EXOC6: variants seen among roughly 807,000 people sequenced by gnomAD.
EXOC6 encodes the protein SEC15-like 1.
EXOC6 carries 60 observed loss-of-function variants against 112.5 expected under a neutral mutation model. The ratio of observed to expected loss-of-function variants is 0.53; its 90% CI spans 0.43 to 0.66. EXOC6 has a LOEUF of 0.66. EXOC6 is among the 30% of genes least tolerant of loss of function. The pLI, the probability that EXOC6 is intolerant of heterozygous loss-of-function variation, is 0.00. For missense variants in EXOC6, 855 were observed against 957.1 expected (o/e 0.89, Z 1.41); for synonymous variants, 295 against 308.0 (o/e 0.96, Z 0.44).
At chr10:93,052,773 A>G (rs184222113) in intron 20 of EXOC6, among the ~76,000 whole-genome samples, 4 of 152,320 alleles carry the variant, frequency 2.6e-5, no homozygotes, top group African/African-American at 9.6e-5. Flanking sequence ...TCATTATCAT[A>G]TGCCTGACTT....
intron 13 of EXOC6, 59 bp downstream of exon 13, chr10:92,940,883 T>C: frequency 1.9e-6 from 2 of 1,026,396 alleles, no homozygotes; most frequent in South Asian, 1.4e-5. Flanking sequence ...GCTCAAGTGG[T>C]TCATTTGCAT....
At chr10:93,043,560 C>G (rs1043455139) in intron 20 of EXOC6, among the ~76,000 whole-genome samples, 1 of 152,070 alleles carries the variant, frequency 6.6e-6, no homozygotes, top group African/African-American at 2.4e-5. Context: ...TGAGTTTTTT[C>G]TGATGGCCTA....
rs774874873 is a variant in EXOC6, at chr10:92,997,503, A to G, written c.1983A>G (p.Ser661=). Residue 661 remains serine (S), a synonymous_variant, in exon 19 of 22, where the codon TCA becomes TCG. Coordinates refer to ENST00000260762, the MANE Select transcript of EXOC6 (RefSeq NM_019053.6). ...PGKVAQTACM[S]ACQHLSTSLM... Reference sequence around the variant, plus strand: ...AAGTTGCTCAGACAGCTTGCATGTCAGCCTGCCAGCATCTGTCAACATCCT... The same window carrying G: ...AAGTTGCTCAGACAGCTTGCATGTCGGCCTGCCAGCATCTGTCAACATCCT... The G allele has an allele frequency of 4.3e-6, 7 of 1,612,232 alleles. No homozygotes were observed. The South Asian group carries it at 7.7e-5, about 18-fold the overall frequency.
intron 18 of EXOC6, among the ~76,000 whole-genome samples, chr10:92,984,470 C>T (rs1245031034): frequency 6.6e-6 from 1 of 152,026 alleles, no homozygotes; most frequent in African/African-American, 2.4e-5. Flanking sequence ...GACTTTTGTT[C>T]CTTGCTCTCC....
chr10:93,018,815 A>G (rs988089818), intron 20 of EXOC6, among the ~76,000 whole-genome samples: 2 of 151,836 alleles, frequency 1.3e-5, no homozygotes, highest in East Asian at 3.8e-4. Context: ...TGTGCTATTT[A>G]CTTTCATATA....
chr10:92,996,447 C>G (rs1230924395), intron 18 of EXOC6, among the ~76,000 whole-genome samples: 1 of 152,068 alleles, frequency 6.6e-6, no homozygotes, highest in Non-Finnish European at 1.5e-5. Flanking sequence ...GAAACTCTGT[C>G]TCTACTGAAA....
chr10:92,939,907 A>C lies in EXOC6; in HGVS notation c.1213-820A>C, dbSNP rs970091731. Among the ~76,000 whole-genome samples, 5 of 152,066 alleles carry C rather than the reference A, an allele frequency of 3.3e-5. No homozygotes were observed. The East Asian group carries it at 9.6e-4, about 29-fold the overall frequency. Reference sequence around the variant, plus strand: ...TTGAGTAGTTTAAATAAAGGAATAGAAGTGAGAGATTGTAGTACGTTTGAC... The same window carrying C: ...TTGAGTAGTTTAAATAAAGGAATAGCAGTGAGAGATTGTAGTACGTTTGAC... On this transcript the variant is annotated intron_variant, in intron 12 of 21. Coordinates refer to ENST00000260762, the MANE Select transcript of EXOC6 (RefSeq NM_019053.6).
chr10:92,827,673 T>C (rs1167243109), intron 1 of EXOC6, among the ~76,000 whole-genome samples: 1 of 152,020 alleles, frequency 6.6e-6, no homozygotes, highest in Non-Finnish European at 1.5e-5. Context: ...ATCTGTGGCA[T>C]CACCTCTGAC....
intron 13 of EXOC6, among the ~76,000 whole-genome samples, chr10:92,942,911 TC>T (rs1852748943): frequency 6.6e-6 from 1 of 152,178 alleles, no homozygotes; most frequent in Non-Finnish European, 1.5e-5. Flanking sequence ...AATTTTATCC[TC>T]CAAAGTAATA....
chr10:92,917,327 ATGTCT>A (rs1851146903), intron 7 of EXOC6, among the ~76,000 whole-genome samples: 1 of 151,718 alleles, frequency 6.6e-6, no homozygotes, highest in African/African-American at 2.4e-5. Flanking sequence ...TTATTTCGTA[ATGTCT>A]TGTCATTTGG....
At chr10:92,873,239 T>G (rs1413573500) in intron 1 of EXOC6, among the ~76,000 whole-genome samples, 1 of 152,176 alleles carries the variant, frequency 6.6e-6, no homozygotes, top group African/African-American at 2.4e-5. Context: ...GCTGGCTGAT[T>G]ATGAATTCAG....
In EXOC6 at chr10:92,931,279, A is replaced by G. The variant is rs1200159438; in HGVS notation, c.972+2857A>G. Among the ~76,000 whole-genome samples, 3 of 151,878 alleles carry G rather than the reference A, an allele frequency of 2.0e-5. No individual in the cohort carries two copies. In the East Asian group the frequency reaches 5.8e-4, roughly 30 times the overall value. On this transcript the variant is annotated intron_variant, in intron 9 of 21. Coordinates refer to ENST00000260762, the MANE Select transcript of EXOC6 (RefSeq NM_019053.6). ...ATAAACCAATTTAAAAATGGACAAA[A>G]GATTTTTTTTTTTAGTGTAGTACTG... is the stretch of plus-strand genomic sequence containing the variant.
chr10:92,844,367 T>C (rs971592123), upstream of EXOC6, among the ~76,000 whole-genome samples: 4 of 152,168 alleles, frequency 2.6e-5, no homozygotes, highest in Non-Finnish European at 5.9e-5. Flanking sequence ...TTCACCACCA[T>C]GATATGTGCT....
intron 18 of EXOC6, among the ~76,000 whole-genome samples, chr10:92,981,747 C>A (rs1165964787): frequency 2.6e-5 from 4 of 152,226 alleles, no homozygotes; most frequent in Non-Finnish European, 5.9e-5. Flanking sequence ...AGAAAGATAT[C>A]TTTTCCTTTG....
At chr10:92,954,809 A>G in intron 16 of EXOC6, 68 bp downstream of exon 16, 1 of 709,270 alleles carries the variant, frequency 1.4e-6, no homozygotes, top group South Asian at 1.8e-5. Flanking sequence ...ATTATTGCTG[A>G]ACGTCATTCT....
chr10:92,831,210 TG>T (rs1367360649), upstream of EXOC6: 4 of 537,394 alleles, frequency 7.4e-6, no homozygotes, highest in Non-Finnish European at 1.3e-5. Context: ...GACAGTGGGG[TG>T]GGAGTAGAGG....
At chr10:92,951,499 T>C (rs564199081) in intron 14 of EXOC6, among the ~76,000 whole-genome samples, 1 of 152,258 alleles carries the variant, frequency 6.6e-6, no homozygotes, top group East Asian at 1.9e-4. Flanking sequence ...ACATGAGAGC[T>C]GAAGAAACCA....
intron 20 of EXOC6, among the ~76,000 whole-genome samples, chr10:93,028,465 A>G (rs1288341880): frequency 1.3e-5 from 2 of 152,200 alleles, no homozygotes; most frequent in Admixed American, 6.5e-5. Flanking sequence ...TGGATGAGGT[A>G]TTACTTCTAA....
intron 11 of EXOC6, 72 bp downstream of exon 11, chr10:92,934,502 A>G (rs1241988917): frequency 7.7e-7 from 1 of 1,305,304 alleles, no homozygotes; most frequent in Admixed American, 2.7e-5. Context: ...GCATAATGTC[A>G]GAGGAAAACT....
Sources: gnomAD v4.1 joint callset for allele counts (sites outside exome capture counted in the v4.1 genomes callset) on GRCh38, gnomAD v4.1.1 for gene constraint, MANE v1.5 for transcripts, NCBI Gene and HGNC (gene_info 2026-07-23, HGNC 2026-07-21) for gene names.